Variants in SEMA4D observed in about 807,000 individuals in gnomAD.
The protein encoded by SEMA4D is semaphorin 4D.
A neutral mutation model predicts 74.8 loss-of-function variants in SEMA4D; 22 were observed. The observed-to-expected ratio is 0.29, with a 90% CI of 0.21 to 0.42. The LOEUF is 0.42. SEMA4D is among the 10% of genes least tolerant of loss of function. The probability of loss-of-function intolerance (pLI) is 1.00; values close to 1 mark genes in which losing one functional copy is unlikely to be tolerated. For missense variants in SEMA4D, 937 were observed against 1,118.4 expected, an observed-to-expected ratio of 0.84 and a Z score of 2.31; for synonymous variants, 445 against 463.7, an observed-to-expected ratio of 0.96 and a Z score of 0.52.
downstream of SEMA4D, among the ~76,000 whole-genome samples, chr9:89,373,093 G>A (rs1178022567): frequency 6.6e-6 from 1 of 152,088 alleles, no homozygotes; most frequent in Non-Finnish European, 1.5e-5. Context: ...AGGCCCCTGG[G>A]TGCAGGACAA....
At chr9:89,479,994 G>GCAC (rs1160249668) in intron 1 of SEMA4D, 5 of 152,096 alleles carry the variant, frequency 3.3e-5, no homozygotes, top group Non-Finnish European at 7.3e-5. Flanking sequence ...GCTGATTGGT[G>GCAC]CGTTTACAAT....
chr9:89,389,241 T>C (rs984840669), intron 9 of SEMA4D, among the ~76,000 whole-genome samples, 194 bp from the exon 10 acceptor site: 1 of 152,110 alleles, frequency 6.6e-6, no homozygotes, highest in Non-Finnish European at 1.5e-5. Context: ...CCAGCTTGGA[T>C]CCCAGAACGC....
chr9:89,373,576 C>A (rs543739042), downstream of SEMA4D, among the ~76,000 whole-genome samples: 2 of 152,196 alleles, frequency 1.3e-5, no homozygotes, highest in African/African-American at 4.8e-5. Context: ...GAAGATGCCA[C>A]GAATGTCCTC....
At chr9:89,475,923 G>A (rs1003356202) in intron 1 of SEMA4D, among the ~76,000 whole-genome samples, 4 of 152,194 alleles carry the variant, frequency 2.6e-5, no homozygotes, top group African/African-American at 9.7e-5. Context: ...GTCACATTTT[G>A]AAGGAAAATG....
intron 1 of SEMA4D, among the ~76,000 whole-genome samples, chr9:89,493,271 G>A (rs890246665): frequency 6.6e-6 from 1 of 152,260 alleles, no homozygotes; most frequent in Non-Finnish European, 1.5e-5. Flanking sequence ...GTGTGATCCA[G>A]ATGGGGGAAA....
chr9:89,386,550 C>T (rs73484023), intron 12 of SEMA4D, 68 bp from the exon 13 acceptor site: 25,442 of 976,728 alleles, frequency 0.026, 1,469 homozygotes, highest in Admixed American at 0.15. Flanking sequence ...GTGACCACAG[C>T]GGCAAACTTC....
At chr9:89,364,159 G>T in intron 16 of SEMA4D, 1 of 1,005,302 alleles carries the variant, frequency 9.9e-7, no homozygotes. Context: ...TGGACTTCCT[G>T]CTCTTTGACC....
intron 2 of SEMA4D, among the ~76,000 whole-genome samples, chr9:89,454,417 C>G (rs1311242327): frequency 6.6e-6 from 1 of 152,040 alleles, no homozygotes; most frequent in African/African-American, 2.4e-5. Context: ...CATGGTCAGC[C>G]CCCCCCAGAT....
chr9:89,407,306 C>T, intron 2 of SEMA4D, among the ~76,000 whole-genome samples: 1 of 135,320 alleles, frequency 7.4e-6, no homozygotes, highest in East Asian at 2.2e-4. Flanking sequence ...TAGCAATTCC[C>T]TCAGTCCTTC....
At chr9:89,376,779 C>G, downstream of SEMA4D, 1 of 1,515,962 alleles carries the variant, frequency 6.6e-7, no homozygotes, top group South Asian at 1.2e-5. Flanking sequence ...CGCCCCCCAC[C>G]TGTGGGAGGA....
At chr9:89,364,244 G>T in intron 16 of SEMA4D, 1 of 490,734 alleles carries the variant, frequency 2.0e-6, no homozygotes, top group Non-Finnish European at 3.7e-6. Flanking sequence ...CGCTGTGCTG[G>T]TTTCTTACAG....
intron 2 of SEMA4D, chr9:89,418,833 T>G (rs1405512776): frequency 6.6e-6 from 1 of 152,254 alleles, no homozygotes; most frequent in African/African-American, 2.4e-5. Flanking sequence ...AGCCACGTAA[T>G]TGTTAAACCT....
At chr9:89,448,115 C>T (rs1587967277) in intron 2 of SEMA4D, among the ~76,000 whole-genome samples, 2 of 152,338 alleles carry the variant, frequency 1.3e-5, no homozygotes, top group South Asian at 4.1e-4. Context: ...GCTGGGACTA[C>T]AGGTGCATTT....
intron 1 of SEMA4D, among the ~76,000 whole-genome samples, chr9:89,490,833 T>C (rs1232790001): frequency 1.3e-5 from 2 of 151,694 alleles, no homozygotes; most frequent in African/African-American, 2.4e-5. Flanking sequence ...GAAGAGGGGG[T>C]TGAGTGAAAA....
chr9:89,450,225 G>A (rs1854019434), intron 2 of SEMA4D: 3 of 1,225,818 alleles, frequency 2.4e-6, no homozygotes, highest in Admixed American at 1.7e-5. Flanking sequence ...GGTACATGAA[G>A]TATATGCTGT....
At chr9:89,432,718 A>C (rs1385758156) in intron 2 of SEMA4D, among the ~76,000 whole-genome samples, 1 of 152,200 alleles carries the variant, frequency 6.6e-6, no homozygotes, top group East Asian at 1.9e-4. Context: ...AAACAAACAA[A>C]CAAAAATGGA....
chr9:89,384,299 T>C (rs1837898067), intron 13 of SEMA4D, among the ~76,000 whole-genome samples: 1 of 152,168 alleles, frequency 6.6e-6, no homozygotes, highest in African/African-American at 2.4e-5. Context: ...GGTATTCACA[T>C]ACGACAGAGG....
intron 2 of SEMA4D, among the ~76,000 whole-genome samples, chr9:89,408,402 T>C (rs976975634): frequency 2.0e-5 from 3 of 152,074 alleles, no homozygotes; most frequent in African/African-American, 4.8e-5. Flanking sequence ...ATGACAGACA[T>C]AAGAAAGGAT....
intron 1 of SEMA4D, among the ~76,000 whole-genome samples, chr9:89,476,118 T>C (rs886898859): frequency 7.9e-5 from 12 of 152,288 alleles, no homozygotes; most frequent in Admixed American, 6.5e-4. Context: ...CATTAGAATG[T>C]AAGAAGTGCC....
Sources: gnomAD v4.1 joint callset for allele counts (sites outside exome capture counted in the v4.1 genomes callset) on GRCh38, gnomAD v4.1.1 for gene constraint, MANE v1.5 for transcripts, NCBI Gene and HGNC (gene_info 2026-07-23, HGNC 2026-07-21) for gene names.